Variants in PTPRD observed in about 807,000 individuals in gnomAD.
PTPRD encodes the protein protein tyrosine phosphatase receptor type D.
PTPRD carries 34 observed loss-of-function variants against 214.5 expected under a neutral mutation model. The ratio of observed to expected loss-of-function variants is 0.16; its 90% CI spans 0.12 to 0.21. The LOEUF is 0.21. Among genes scored for constraint, PTPRD ranks in the 10% least tolerant of loss-of-function variants. The probability of loss-of-function intolerance (pLI) is 1.00; values close to 1 mark genes in which losing one functional copy is unlikely to be tolerated. For missense variants in PTPRD, 2,545 were observed against 2,398.7 expected (o/e 1.06, Z -1.27); for synonymous variants, 1,128 against 845.7 (o/e 1.33, Z -5.79).
At chr9:8,775,868 G>T (rs1318935254) in intron 11 of PTPRD, among the ~76,000 whole-genome samples, 1 of 151,180 alleles carries the variant, frequency 6.6e-6, no homozygotes, top group Non-Finnish European at 1.5e-5. Flanking sequence ...GCAATAATCT[G>T]CAGGAATGAA....
chr9:10,105,170 AT>A (rs1279414295), intron 3 of PTPRD, among the ~76,000 whole-genome samples: 1 of 151,404 alleles, frequency 6.6e-6, no homozygotes, highest in Non-Finnish European at 1.5e-5. Flanking sequence ...TATTTTACTG[AT>A]TTTTTTTCTA....
At chr9:8,540,978 T>G (rs1040346412) in intron 14 of PTPRD, among the ~76,000 whole-genome samples, 11 of 152,174 alleles carry the variant, frequency 7.2e-5, no homozygotes, top group Non-Finnish European at 1.2e-4. Context: ...GTAATGGCAG[T>G]TTTCTTTAGA....
chr9:8,776,107 A>T (rs990479297), intron 11 of PTPRD, among the ~76,000 whole-genome samples: 3 of 152,192 alleles, frequency 2.0e-5, no homozygotes, highest in Non-Finnish European at 4.4e-5. Context: ...AGACTATCAT[A>T]GAATTTCCTT....
chr9:8,810,930 G>A (rs1016746666), intron 11 of PTPRD, among the ~76,000 whole-genome samples: 9 of 152,116 alleles, frequency 5.9e-5, no homozygotes, highest in Non-Finnish European at 1.0e-4. Flanking sequence ...CGTCCTAGGG[G>A]CATTAATTCC....
At chr9:8,340,885 A>G (rs1851842102) in intron 41 of PTPRD, among the ~76,000 whole-genome samples, 1 of 152,158 alleles carries the variant, frequency 6.6e-6, no homozygotes, top group African/African-American at 2.4e-5. Context: ...ATGAAAGAAG[A>G]GTGCAGAAGG....
Position 8,563,979 on chromosome 9 carries a change from T to C in PTPRD, c.353-35200A>G, listed in dbSNP as rs2087682835. ...TTGCAACCGGCCTCGGCATACAATT[T>C]TCAAACTTTAGACGGTGCGAAAGCA... is the stretch of plus-strand genomic sequence containing the variant. On this transcript the variant is annotated intron_variant, in intron 14 of 45. Transcript: ENST00000381196. 3.9e-5 allele frequency among the ~76,000 whole-genome samples: 6 copies of C among 152,208 alleles called. No homozygotes were observed. In the South Asian group the frequency reaches 1.2e-3, roughly 31 times the overall value.
chr9:10,526,369 T>A (rs918652048), intron 2 of PTPRD, among the ~76,000 whole-genome samples: 1 of 152,106 alleles, frequency 6.6e-6, no homozygotes, highest in Non-Finnish European at 1.5e-5. Flanking sequence ...GAACACATTT[T>A]TAAGTATAAT....
At chr9:9,035,668 A>G (rs903368948) in intron 10 of PTPRD, among the ~76,000 whole-genome samples, 1 of 152,170 alleles carries the variant, frequency 6.6e-6, no homozygotes, top group Non-Finnish European at 1.5e-5. Context: ...GGTGCTGTCA[A>G]GTCCTCTTAC....
At chr9:9,659,380 T>G (rs2096580189) in intron 7 of PTPRD, among the ~76,000 whole-genome samples, 1 of 152,058 alleles carries the variant, frequency 6.6e-6, no homozygotes, top group Admixed American at 6.6e-5. Context: ...GTTTTCAAAG[T>G]AAAATTATGT....
intron 42 of PTPRD, 70 bp downstream of exon 42, chr9:8,340,273 T>C (rs1851266545): frequency 6.8e-7 from 1 of 1,473,376 alleles, no homozygotes; most frequent in South Asian, 1.5e-5. Context: ...CAAGAGTTAT[T>C]GAAACAAAGT....
intron 9 of PTPRD, among the ~76,000 whole-genome samples, chr9:9,318,466 TTTC>T (rs1202291576): frequency 6.6e-6 from 1 of 152,110 alleles, no homozygotes; most frequent in Admixed American, 6.6e-5. Context: ...GGTATTTTTG[TTTC>T]TTCTTCTCAC....
At chr9:9,987,300 T>C (rs940368935) in intron 4 of PTPRD, among the ~76,000 whole-genome samples, 2 of 152,200 alleles carry the variant, frequency 1.3e-5, no homozygotes, top group Non-Finnish European at 2.9e-5. Flanking sequence ...TGATGCTGTG[T>C]TGTCCATTTT....
chr9:10,018,685 C>G (rs1490065956), intron 4 of PTPRD, among the ~76,000 whole-genome samples: 4 of 147,384 alleles, frequency 2.7e-5, no homozygotes, highest in South Asian at 2.2e-4. Context: ...GTAGCTGGGA[C>G]TACAGGCGCC....
chr9:10,060,889 CTTCCTTCCTTCTTTCTTTCT>C lies in PTPRD; in HGVS notation c.-544-27119_-544-27100del, dbSNP rs1295733301. ...CCTTCTTTCCTTCCTTCCTTCCTTC[CTTCCTTCCTTCTTTCTTTCT>C]TTCTTTCTTTCTTTCTTTCTTTCTT... On this transcript the variant is annotated intron_variant, in intron 3 of 45. Coordinates refer to ENST00000381196, the MANE Select transcript of PTPRD (RefSeq NM_002839.4). Among the ~76,000 whole-genome samples the C allele has an allele frequency of 1.6e-3, 122 of 76,378 alleles. 7 individuals are homozygous for C. In the African/African-American group the frequency reaches 0.02, roughly 13 times the overall value. 50.1% of individuals were successfully genotyped at this position (76,378 alleles called of 152,430 possible).
At chr9:9,037,220 AT>A (rs1418878437) in intron 10 of PTPRD, among the ~76,000 whole-genome samples, 4 of 152,122 alleles carry the variant, frequency 2.6e-5, no homozygotes, top group Admixed American at 2.6e-4. Flanking sequence ...TTTAGAGATA[AT>A]TTAGTCCAAA....
intron 5 of PTPRD, among the ~76,000 whole-genome samples, chr9:9,801,514 T>A (rs1315113068): frequency 6.6e-6 from 1 of 152,066 alleles, no homozygotes; most frequent in East Asian, 1.9e-4. Context: ...TTTTAAATAA[T>A]CTGTACAAAG....
At chr9:9,962,971 T>C (rs1248563139) in intron 4 of PTPRD, among the ~76,000 whole-genome samples, 2 of 151,976 alleles carry the variant, frequency 1.3e-5, no homozygotes, top group East Asian at 1.9e-4. Context: ...AGTAATAGTA[T>C]AGTAGTACCA....
At chr9:9,802,796 C>A (rs1232801043) in intron 5 of PTPRD, among the ~76,000 whole-genome samples, 1 of 151,722 alleles carries the variant, frequency 6.6e-6, no homozygotes, top group Non-Finnish European at 1.5e-5. Flanking sequence ...TGCTGGCAAC[C>A]TCCCCCTCCC....
intron 5 of PTPRD, among the ~76,000 whole-genome samples, chr9:9,931,556 C>T (rs2086578741): frequency 6.6e-6 from 1 of 152,176 alleles, no homozygotes; most frequent in African/African-American, 2.4e-5. Flanking sequence ...TTATATCCCG[C>T]ACGTGGCTCG....
Sources: gnomAD v4.1 joint callset for allele counts (sites outside exome capture counted in the v4.1 genomes callset) on GRCh38, gnomAD v4.1.1 for gene constraint, MANE v1.5 for transcripts, NCBI Gene and HGNC (gene_info 2026-07-23, HGNC 2026-07-21) for gene names.